TK2: variants seen among roughly 807,000 people sequenced by gnomAD.
The protein encoded by TK2 is thymidine kinase 2, mitochondrial.
TK2 carries 35 observed loss-of-function variants against 41.9 expected under a neutral mutation model. The ratio of observed to expected loss-of-function variants is 0.84; its 90% CI spans 0.64 to 1.11. The LOEUF (loss-of-function observed/expected upper bound fraction) is 1.11. Ranked by LOEUF, TK2 falls within the 50% of genes least tolerant of loss-of-function variation. TK2 has a pLI of 0.00. For synonymous variants in TK2, 128 were observed against 129.1 expected, an observed-to-expected ratio of 0.99 and a Z score of 0.06; for missense variants, 320 against 351.1, an observed-to-expected ratio of 0.91 and a Z score of 0.71.
At position 66,511,325 on chromosome 16, in the gene TK2, C is replaced by G. The variant is rs570958037; in HGVS notation, c.*643G>C. On this transcript the variant is annotated 3_prime_UTR_variant, in exon 10 of 10. Coordinates refer to ENST00000544898, the MANE Select transcript of TK2 (RefSeq NM_004614.5). ...ATAATTTTGTGGAAGTCTAGAAATG[C>G]TGACTGTCCTTGGGAACTGCTCAAT... 6.4e-6 allele frequency: 1 copy of G among 156,630 alleles called. No homozygotes were observed. The highest frequency in any genetic ancestry group is 1.9e-4 in the East Asian group (1 of 5,268). 9.7% of individuals were successfully genotyped at this position (156,630 alleles called of 1,614,324 possible).
chr16:66,539,509 G>A (rs1965389967), intron 3 of TK2, among the ~76,000 whole-genome samples: 1 of 150,270 alleles, frequency 6.7e-6, no homozygotes, highest in South Asian at 2.1e-4. Flanking sequence ...GCTGAAGCAG[G>A]AGAATTGCTT....
chr16:66,532,209 T>C (rs888087174), intron 4 of TK2, among the ~76,000 whole-genome samples: 2 of 147,384 alleles, frequency 1.4e-5, no homozygotes, highest in African/African-American at 2.5e-5. Flanking sequence ...TACCACAGGA[T>C]ACAAATCAAC....
chr16:66,543,419 G>A (rs1965514321), intron 2 of TK2, among the ~76,000 whole-genome samples: 1 of 152,214 alleles, frequency 6.6e-6, no homozygotes, highest in Non-Finnish European at 1.5e-5. Flanking sequence ...AGGCACTGCT[G>A]ATGACATAGG....
chr16:66,530,472 C>T (rs1409961089), intron 5 of TK2, among the ~76,000 whole-genome samples: 1 of 152,170 alleles, frequency 6.6e-6, no homozygotes, highest in Admixed American at 6.5e-5. Context: ...GGGTCCTGTC[C>T]CCAACACCTG....
At chr16:66,541,684 T>C (rs1965459437) in intron 3 of TK2, among the ~76,000 whole-genome samples, 195 bp downstream of exon 3, 1 of 152,152 alleles carries the variant, frequency 6.6e-6, no homozygotes, top group Non-Finnish European at 1.5e-5. Flanking sequence ...CCCAAAGTGC[T>C]AGGATTACAG....
intron 2 of TK2, among the ~76,000 whole-genome samples, chr16:66,545,562 G>A (rs1051395856): frequency 2.0e-5 from 3 of 152,178 alleles, no homozygotes; most frequent in Admixed American, 1.3e-4. Context: ...GGTGGCTCAC[G>A]CCTGTAATCC....
At chr16:66,513,134 A>G (rs1418549405) in intron 9 of TK2, among the ~76,000 whole-genome samples, 2 of 152,226 alleles carry the variant, frequency 1.3e-5, no homozygotes, top group Non-Finnish European at 2.9e-5. Flanking sequence ...ACTGGAAAAC[A>G]AGGAGATGGG....
intron 3 of TK2, 104 bp downstream of exon 3, chr16:66,541,775 G>T: frequency 8.2e-7 from 1 of 1,215,284 alleles, no homozygotes; most frequent in Non-Finnish European, 1.2e-6. Context: ...GCTTGCACTT[G>T]TGGCTCAAAT....
chr16:66,548,693 T>G, intron 2 of TK2: 1 of 409,110 alleles, frequency 2.4e-6, no homozygotes, highest in Non-Finnish European at 4.5e-6. Context: ...AATGAGCGTT[T>G]TTCAAATCCT....
chr16:66,531,742 C>G (rs1965120299), intron 4 of TK2, among the ~76,000 whole-genome samples: 1 of 152,136 alleles, frequency 6.6e-6, no homozygotes, highest in African/African-American at 2.4e-5. Context: ...TGAAGGGCAT[C>G]CAAATTGGAA....
At chr16:66,533,922 G>C (rs1965197840) in intron 4 of TK2, among the ~76,000 whole-genome samples, 1 of 151,034 alleles carries the variant, frequency 6.6e-6, no homozygotes, top group Non-Finnish European at 1.5e-5. Flanking sequence ...GCAGGAGAAT[G>C]GCGCGAACCC....
chr16:66,535,028 GAA>G (rs1242984234), intron 4 of TK2, among the ~76,000 whole-genome samples: 1 of 152,048 alleles, frequency 6.6e-6, no homozygotes, highest in Admixed American at 6.6e-5. Context: ...GCAAACTAAT[GAA>G]ACTCCAGTGT....
In TK2 at chr16:66,509,409, A is replaced by C. The variant is rs1964383714; in HGVS notation, c.*2559T>G. ...TTATGTAAAAGATAAATATATTTCTATCTAGTTTCCAAAAAAAACCAGGTA... is the reference window on the plus strand; with the variant it reads ...TTATGTAAAAGATAAATATATTTCTCTCTAGTTTCCAAAAAAAACCAGGTA... On this transcript the variant is annotated 3_prime_UTR_variant, in exon 10 of 10. Transcript: ENST00000544898. 6.6e-6 allele frequency: 1 copy of C among 152,242 alleles called. No individual in the cohort carries two copies. Among genetic ancestry groups the C allele is most frequent in the Non-Finnish European group, 1.5e-5 (1 of 68,038 alleles). The allele number at this position is 152,242 out of a possible 1,614,324, so 9.4% of individuals were successfully genotyped here.
chr16:66,549,579 G>C (rs1319876260), intron 1 of TK2: 8 of 1,092,374 alleles, frequency 7.3e-6, no homozygotes, highest in Middle Eastern at 8.1e-4. Flanking sequence ...GCTGGCACCA[G>C]AGTGTGAGCA....
intron 2 of TK2, among the ~76,000 whole-genome samples, chr16:66,542,359 A>T (rs1027490701): frequency 1.3e-5 from 2 of 152,220 alleles, no homozygotes; most frequent in Non-Finnish European, 2.9e-5. Context: ...TCTAGAATCG[A>T]ATTCACTGCT....
chr16:66,515,526 T>G (rs749912642), intron 8 of TK2, among the ~76,000 whole-genome samples: 20 of 152,202 alleles, frequency 1.3e-4, no homozygotes, highest in Non-Finnish European at 2.8e-4. Flanking sequence ...TCACACAGAT[T>G]CCACTCGCCA....
intron 6 of TK2, among the ~76,000 whole-genome samples, chr16:66,525,482 C>T (rs1964904086): frequency 1.3e-5 from 2 of 152,172 alleles, no homozygotes; most frequent in Non-Finnish European, 1.5e-5. Flanking sequence ...TGCTTTGGAC[C>T]ACAGGGTCTG....
intron 9 of TK2, 39 bp from the exon 10 acceptor site, chr16:66,512,105 C>G: frequency 6.4e-7 from 1 of 1,557,200 alleles, no homozygotes; most frequent in South Asian, 1.1e-5. Flanking sequence ...CTGCACTGAC[C>G]TCAGCAGCAT....
chr16:66,549,229 C>T (rs1273104478), intron 1 of TK2: 4 of 1,416,000 alleles, frequency 2.8e-6, no homozygotes, highest in Non-Finnish European at 3.7e-6. Flanking sequence ...CCAGTGTGCT[C>T]GAGTTCTTTC....
Sources: allele counts gnomAD v4.1 joint callset (sites outside exome capture counted in the v4.1 genomes callset), GRCh38; gene constraint gnomAD v4.1.1; transcripts MANE v1.5; gene names NCBI Gene and HGNC (gene_info 2026-07-23, HGNC 2026-07-21).